The following CCDC149 variants were observed in gnomAD, a reference collection of about 807,000 sequenced individuals.
CCDC149 encodes the protein coiled-coil domain-containing protein 149.
Under a neutral mutation model 59.9 loss-of-function variants are expected in CCDC149, and 45 were observed. That is an observed-to-expected ratio of 0.75 (90% confidence interval 0.59 to 0.96). CCDC149 has a LOEUF of 0.96. CCDC149 is among the 40% of genes least tolerant of loss of function. The pLI, the probability that CCDC149 is intolerant of heterozygous loss-of-function variation, is 0.00. For synonymous variants in CCDC149, 245 were observed against 260.6 expected, an observed-to-expected ratio of 0.94 and a Z score of 0.58; for missense variants, 584 against 664.7, an observed-to-expected ratio of 0.88 and a Z score of 1.33.
intron 1 of CCDC149, among the ~76,000 whole-genome samples, chr4:24,956,563 G>A (rs779807619): frequency 9.9e-5 from 15 of 151,878 alleles, no homozygotes; most frequent in Non-Finnish European, 4.4e-5. Context: ...CTATTATATC[G>A]ATGATATCAT....
intron 3 of CCDC149, among the ~76,000 whole-genome samples, chr4:24,854,979 T>C (rs56252473): frequency 0.075 from 11,441 of 152,178 alleles, 444 homozygotes; most frequent in Middle Eastern, 0.095. Context: ...GGTGCTACCT[T>C]ACCTTTTTTT....
rs970712918 is a variant in CCDC149 at position 24,895,042 on chromosome 4, C to T, written c.63+17775G>A. ...GCGATGATGATGATGATGACGACGA[C>T]GATGACGACCATGATGGTGATGATG... On this transcript the variant is annotated intron_variant, in intron 1 of 12. Transcript: ENST00000635206. 54 of 1,529,636 alleles carry T rather than the reference C, an allele frequency of 3.5e-5. No homozygotes were observed. In the East Asian group the frequency reaches 1.1e-3, roughly 30 times the overall value. 94.8% of individuals were successfully genotyped at this position (1,529,636 alleles called of 1,614,324 possible). A position where few individuals can be genotyped will look rare whatever the true frequency, so the allele number is the denominator to read the frequency against.
chr4:24,952,840 T>A (rs2109356194), intron 1 of CCDC149, among the ~76,000 whole-genome samples: 1 of 151,726 alleles, frequency 6.6e-6, no homozygotes, highest in African/African-American at 2.4e-5. Flanking sequence ...TTTCCCCCCA[T>A]CTTCCCCATC....
chr4:24,926,425 G>C (rs1722434754), intron 1 of CCDC149, among the ~76,000 whole-genome samples: 1 of 152,160 alleles, frequency 6.6e-6, no homozygotes, highest in Admixed American at 6.5e-5. Flanking sequence ...ATATTCCTCA[G>C]TTTCCTTTAA....
At chr4:24,957,659 C>T (rs1001777719) in intron 1 of CCDC149, among the ~76,000 whole-genome samples, 17 of 145,222 alleles carry the variant, frequency 1.2e-4, no homozygotes, top group African/African-American at 3.8e-4. Context: ...AGGCCAATGC[C>T]TATTTTTATA....
intron 3 of CCDC149, among the ~76,000 whole-genome samples, chr4:24,872,048 A>C (rs958719374): frequency 3.3e-5 from 5 of 152,240 alleles, no homozygotes; most frequent in African/African-American, 1.2e-4. Flanking sequence ...AAACCTCTGA[A>C]AAGGAAGAGC....
intron 1 of CCDC149, among the ~76,000 whole-genome samples, chr4:24,931,833 A>ATATATG (rs1256777870): frequency 2.3e-4 from 23 of 101,422 alleles, no homozygotes; most frequent in Non-Finnish European, 3.2e-4. Flanking sequence ...GAGTATGTAT[A>ATATATG]TATATATATA....
intron 12 of CCDC149, among the ~76,000 whole-genome samples, chr4:24,815,519 A>T (rs1714956021): frequency 6.6e-6 from 1 of 152,216 alleles, no homozygotes; most frequent in Non-Finnish European, 1.5e-5. Flanking sequence ...CTCCTTCTGG[A>T]AATTACTCTT....
chr4:24,920,317 G>A (rs915738130), intron 1 of CCDC149, among the ~76,000 whole-genome samples: 10 of 152,198 alleles, frequency 6.6e-5, no homozygotes, highest in African/African-American at 1.7e-4. Context: ...CACATGGCTG[G>A]CCATTGGCTG....
At chr4:24,896,594 A>T (rs1484524736) in intron 1 of CCDC149, among the ~76,000 whole-genome samples, 1 of 152,046 alleles carries the variant, frequency 6.6e-6, no homozygotes, top group Non-Finnish European at 1.5e-5. Context: ...ATGATTTCCC[A>T]CCCACAGCCT....
chr4:24,877,347 G>A (rs1212043750), intron 1 of CCDC149, among the ~76,000 whole-genome samples: 12 of 151,932 alleles, frequency 7.9e-5, no homozygotes, highest in South Asian at 4.2e-4. Context: ...CACCATGCCC[G>A]GCTAATTTTT....
intron 1 of CCDC149, among the ~76,000 whole-genome samples, chr4:24,896,375 C>A (rs768988901): frequency 2.0e-5 from 3 of 152,040 alleles, no homozygotes; most frequent in Non-Finnish European, 4.4e-5. Context: ...TGAAGAAAGA[C>A]GAATGTAAAG....
intron 1 of CCDC149, among the ~76,000 whole-genome samples, chr4:24,963,467 C>A (rs915128566): frequency 3.3e-5 from 5 of 152,120 alleles, no homozygotes; most frequent in Non-Finnish European, 7.3e-5. Context: ...TCAGCAGAAC[C>A]ACACAAGGAG....
intron 1 of CCDC149, among the ~76,000 whole-genome samples, chr4:24,944,676 G>A (rs1723055076): frequency 6.6e-6 from 1 of 152,130 alleles, no homozygotes; most frequent in Admixed American, 6.5e-5. Flanking sequence ...TGGGTTGATA[G>A]GTACAGCAAA....
chr4:24,928,114 T>C (rs573450326), intron 1 of CCDC149, among the ~76,000 whole-genome samples: 8 of 152,372 alleles, frequency 5.3e-5, no homozygotes, highest in Non-Finnish European at 1.2e-4. Context: ...TACATCTTTA[T>C]GTCTTTGCAT....
At chr4:24,970,466 C>G (rs1204382808) in intron 1 of CCDC149, among the ~76,000 whole-genome samples, 1 of 152,270 alleles carries the variant, frequency 6.6e-6, no homozygotes, top group East Asian at 1.9e-4. Flanking sequence ...ATGGGTGGGG[C>G]TGGCTACTGG....
chr4:24,811,969 G>GATGGCTGCCAGGATTCCTTGGTTT (rs1714638926), intron 12 of CCDC149, among the ~76,000 whole-genome samples: 2 of 152,064 alleles, frequency 1.3e-5, no homozygotes, highest in African/African-American at 4.8e-5. Flanking sequence ...CCCAGCTTCT[G>GATGGCTGCCAGGATTCCTTGGTTT]ATGGCTGCCA....
upstream of CCDC149, among the ~76,000 whole-genome samples, chr4:24,914,635 C>A (rs1413699176): frequency 6.9e-6 from 1 of 145,264 alleles, no homozygotes; most frequent in Non-Finnish European, 1.5e-5. Flanking sequence ...CAGCTGAGAC[C>A]AGCCGAAGAA....
rs188467523 is a variant in CCDC149, at chr4:24,905,892, C to T, written c.63+6925G>A. ...GTGATATGTACAATTCTCCACTCAT[C>T]CCTAATTAAAGAAAAGCCCCTTGCC... On this transcript the variant is annotated intron_variant, in intron 1 of 12. Coordinates refer to ENST00000635206, the MANE Select transcript of CCDC149 (RefSeq NM_001330643.2). Among the ~76,000 whole-genome samples, 303 of 152,314 alleles carry T rather than the reference C, an allele frequency of 2.0e-3. 2 individuals are homozygous for T. Among genetic ancestry groups the T allele is most frequent in the African/African-American group, 6.9e-3 (286 of 41,568 alleles).
Sources: gnomAD v4.1 joint callset for allele counts (sites outside exome capture counted in the v4.1 genomes callset) on GRCh38, gnomAD v4.1.1 for gene constraint, MANE v1.5 for transcripts, NCBI Gene and HGNC (gene_info 2026-07-23, HGNC 2026-07-21) for gene names.